NFIB: variants seen among roughly 807,000 people sequenced by gnomAD.
The protein encoded by NFIB is nuclear factor 1 B-type.
Under a neutral mutation model 61.5 loss-of-function variants are expected in NFIB, and 11 were observed. The ratio of observed to expected loss-of-function variants is 0.18; its 90% CI spans 0.11 to 0.30. The LOEUF (loss-of-function observed/expected upper bound fraction) is 0.30. NFIB is among the 10% of genes least tolerant of loss of function. The pLI is 1.00. For synonymous variants in NFIB, 260 were observed against 216.5 expected (o/e 1.20, Z -1.76); for missense variants, 471 against 608.9 (o/e 0.77, Z 2.38).
intron 2 of NFIB, among the ~76,000 whole-genome samples, chr9:14,252,461 T>C (rs1407333630): frequency 6.6e-6 from 1 of 152,142 alleles, no homozygotes; most frequent in African/African-American, 2.4e-5. Flanking sequence ...AGTAAAGTAA[T>C]AAAGTTTTAA....
chr9:14,191,523 T>C (rs10810105), intron 2 of NFIB, among the ~76,000 whole-genome samples: 62,204 of 152,006 alleles, frequency 0.41, 15,904 homozygotes, highest in Non-Finnish European at 0.57. Flanking sequence ...TGCAGAGCTA[T>C]GTACCAGGTG....
chr9:14,463,354 G>A, the NFIB span, among the ~76,000 whole-genome samples: 1 of 151,750 alleles, frequency 6.6e-6, no homozygotes, highest in Non-Finnish European at 1.5e-5. Context: ...TAGATGGAGA[G>A]ATTCAATATG....
intron 2 of NFIB, among the ~76,000 whole-genome samples, chr9:14,300,535 G>A (rs933468658): frequency 1.3e-5 from 2 of 152,140 alleles, no homozygotes; most frequent in African/African-American, 4.8e-5. Flanking sequence ...GATCGCCTTT[G>A]CCCATAATTT....
At chr9:14,213,693 A>G (rs1428938448) in intron 2 of NFIB, among the ~76,000 whole-genome samples, 2 of 152,192 alleles carry the variant, frequency 1.3e-5, no homozygotes, top group Non-Finnish European at 2.9e-5. Flanking sequence ...CATAAAGTCC[A>G]AAGTGCTAAA....
chr9:14,219,078 T>G (rs990373545), intron 2 of NFIB, among the ~76,000 whole-genome samples: 1 of 152,132 alleles, frequency 6.6e-6, no homozygotes, highest in Admixed American at 6.5e-5. Context: ...ATGAAGCTCA[T>G]GTAGATCACC....
At chr9:14,397,120 CTTCTTT>C (rs2061695032) in intron 1 of NFIB, among the ~76,000 whole-genome samples, 1 of 152,090 alleles carries the variant, frequency 6.6e-6, no homozygotes. Context: ...TCTCACTCTT[CTTCTTT>C]AAGTAAAAAG....
At chr9:14,111,825 G>A (rs1032930460) in intron 10 of NFIB, among the ~76,000 whole-genome samples, 1 of 151,970 alleles carries the variant, frequency 6.6e-6, no homozygotes, top group African/African-American at 2.4e-5. Flanking sequence ...TTTTAAACCT[G>A]GCAAAACATC....
chr9:14,125,518 G>C (rs180884434), intron 7 of NFIB, 114 bp downstream of exon 7: 1 of 1,406,344 alleles, frequency 7.1e-7, no homozygotes, highest in African/African-American at 1.4e-5. Flanking sequence ...TCACCATATG[G>C]GTTGAGAAAA....
the NFIB span, among the ~76,000 whole-genome samples, chr9:14,476,353 A>G: frequency 1.3e-5 from 2 of 151,938 alleles, no homozygotes; most frequent in Middle Eastern, 3.2e-3. Flanking sequence ...TGTGCCTGTC[A>G]GATAATGGGG....
the NFIB span, among the ~76,000 whole-genome samples, chr9:14,496,792 C>T: frequency 6.6e-6 from 1 of 152,228 alleles, no homozygotes; most frequent in Admixed American, 6.5e-5. Flanking sequence ...AGCCAATAAA[C>T]ACTGGCATGG....
chr9:14,203,058 G>T (rs12235129), intron 2 of NFIB, among the ~76,000 whole-genome samples: 21,849 of 152,142 alleles, frequency 0.14, 1,792 homozygotes, highest in East Asian at 0.35. Flanking sequence ...TTATCTTTTT[G>T]AATGATCATC....
At chr9:14,436,643 G>A in the NFIB span, among the ~76,000 whole-genome samples, 1 of 152,120 alleles carries the variant, frequency 6.6e-6, no homozygotes, top group African/African-American at 2.4e-5. Flanking sequence ...AAAACCCATG[G>A]GACCAAAACA....
At chr9:14,168,240 TTGTC>T (rs2045147393) in intron 3 of NFIB, among the ~76,000 whole-genome samples, 2 of 152,286 alleles carry the variant, frequency 1.3e-5, no homozygotes, top group East Asian at 3.9e-4. Flanking sequence ...ATCTTGGACA[TTGTC>T]TGTAGGTAGG....
At chr9:14,168,136 C>T (rs1392524585) in intron 3 of NFIB, among the ~76,000 whole-genome samples, 2 of 152,082 alleles carry the variant, frequency 1.3e-5, no homozygotes, top group South Asian at 2.1e-4. Context: ...TTTTTCTAGG[C>T]CTAGGTCAGG....
intron 2 of NFIB, among the ~76,000 whole-genome samples, chr9:14,189,309 C>T (rs2047685830): frequency 1.3e-5 from 2 of 152,218 alleles, no homozygotes; most frequent in Admixed American, 6.5e-5. Flanking sequence ...TCTCTCCAAA[C>T]TGCCTGGAGA....
rs754505624 is a variant in NFIB, at chr9:14,286,328, G to A, written c.562+20661C>T. Among the ~76,000 whole-genome samples, 4 of 152,156 alleles carry A rather than the reference G, an allele frequency of 2.6e-5. No individual in the cohort carries two copies. The East Asian group carries it at 5.8e-4, about 22-fold the overall frequency. Reference sequence around the variant, plus strand: ...TGCAATTGCTCCAGTTAGGAGCAGCGCAGAGTCCAGAAATACATCCTGACA... The same window carrying A: ...TGCAATTGCTCCAGTTAGGAGCAGCACAGAGTCCAGAAATACATCCTGACA... On this transcript the variant is annotated intron_variant, in intron 2 of 10. Coordinates refer to ENST00000380953, the MANE Select transcript of NFIB (RefSeq NM_001190737.2).
At chr9:14,358,209 CAATA>C (rs149959343) in intron 1 of NFIB, among the ~76,000 whole-genome samples, 6,281 of 148,322 alleles carry the variant, frequency 0.042, 443 homozygotes, top group African/African-American at 0.15. Flanking sequence ...ACTCATATAT[CAATA>C]AATATATACT....
chr9:14,349,438 C>T (rs1431378168), intron 1 of NFIB, among the ~76,000 whole-genome samples: 2 of 152,142 alleles, frequency 1.3e-5, no homozygotes, highest in Non-Finnish European at 1.5e-5. Flanking sequence ...CCCCGAGACG[C>T]CAAAGGCATT....
At chr9:14,123,027 G>C (rs2039136287) in intron 7 of NFIB, among the ~76,000 whole-genome samples, 1 of 152,020 alleles carries the variant, frequency 6.6e-6, no homozygotes, top group Non-Finnish European at 1.5e-5. Context: ...GGTGGGTGGA[G>C]TGGATCACTT....
Sources: gnomAD v4.1 joint callset for allele counts (sites outside exome capture counted in the v4.1 genomes callset) on GRCh38, gnomAD v4.1.1 for gene constraint, MANE v1.5 for transcripts, NCBI Gene and HGNC (gene_info 2026-07-23, HGNC 2026-07-21) for gene names.